Variants in PTPRT observed in about 807,000 individuals in gnomAD.
PTPRT encodes protein tyrosine phosphatase receptor type T.
In PTPRT, 56 loss-of-function variants were observed where a neutral mutation model predicts 176.8. The ratio of observed to expected loss-of-function variants is 0.32; its 90% CI spans 0.26 to 0.40. The LOEUF (loss-of-function observed/expected upper bound fraction) is 0.40. Among genes scored for constraint, PTPRT ranks in the 10% least tolerant of loss-of-function variants. The probability of loss-of-function intolerance (pLI) is 1.00; values close to 1 mark genes in which losing one functional copy is unlikely to be tolerated. For missense variants in PTPRT, 1,540 were observed against 1,908.2 expected (o/e 0.81, Z 3.60); for synonymous variants, 783 against 739.0 (o/e 1.06, Z -0.96).
At chr20:42,530,698 C>T (rs2072366566) in intron 7 of PTPRT, among the ~76,000 whole-genome samples, 1 of 152,122 alleles carries the variant, frequency 6.6e-6, no homozygotes, top group Admixed American at 6.5e-5. Flanking sequence ...GTGGTTTGTC[C>T]CACCATCATC....
At chr20:42,292,411 C>A (rs1444041132) in intron 12 of PTPRT, among the ~76,000 whole-genome samples, 1 of 152,010 alleles carries the variant, frequency 6.6e-6, no homozygotes, top group African/African-American at 2.4e-5. Flanking sequence ...TGGCTCATTG[C>A]AACCTCTGCC....
At chr20:42,491,067 T>C (rs984902913) in intron 7 of PTPRT, among the ~76,000 whole-genome samples, 3 of 152,168 alleles carry the variant, frequency 2.0e-5, no homozygotes, top group African/African-American at 4.8e-5. Context: ...TTTAAAGTAG[T>C]GAATTGCACG....
At chr20:42,627,403 G>A (rs1600497329) in intron 7 of PTPRT, among the ~76,000 whole-genome samples, 13 of 151,914 alleles carry the variant, frequency 8.6e-5, no homozygotes, top group Admixed American at 8.5e-4. Flanking sequence ...CCATGTAGCT[G>A]GGACTACAGG....
intron 9 of PTPRT, among the ~76,000 whole-genome samples, chr20:42,371,591 C>CA (rs2058587887): frequency 3.9e-5 from 6 of 152,210 alleles, no homozygotes; most frequent in Admixed American, 3.9e-4. Context: ...GCACCTAAAA[C>CA]AAAGAGTAGA....
At chr20:42,270,277 GGGGTGGGT>G (rs1449771766) in intron 13 of PTPRT, 5 of 786,974 alleles carry the variant, frequency 6.4e-6, no homozygotes, top group South Asian at 1.7e-5. Flanking sequence ...AATGGGTGGG[GGGGTGGGT>G]GGGTGGGTGG....
At chr20:42,095,043 C>T (rs781748985) in intron 27 of PTPRT, among the ~76,000 whole-genome samples, 2 of 152,140 alleles carry the variant, frequency 1.3e-5, no homozygotes, top group Non-Finnish European at 2.9e-5. Flanking sequence ...CTCTTTCTCT[C>T]TCTTATTCCA....
intron 5 of PTPRT, among the ~76,000 whole-genome samples, chr20:42,766,388 A>G (rs1211976680): frequency 6.6e-6 from 1 of 152,212 alleles, no homozygotes; most frequent in Non-Finnish European, 1.5e-5. Flanking sequence ...CTAGCCTTCT[A>G]TCATCCTTTT....
chr20:42,624,840 T>G (rs972151521), intron 7 of PTPRT, among the ~76,000 whole-genome samples: 4 of 152,120 alleles, frequency 2.6e-5, no homozygotes, highest in Non-Finnish European at 4.4e-5. Flanking sequence ...CAGCCTACAA[T>G]GGCAAAATGC....
At chr20:42,726,064 TTATTA>T (rs1366079753) in intron 6 of PTPRT, among the ~76,000 whole-genome samples, 4 of 116,282 alleles carry the variant, frequency 3.4e-5, no homozygotes, top group African/African-American at 1.3e-4. Context: ...ATCTTTATTA[TTATTA>T]TTATTATTAT....
intron 7 of PTPRT, among the ~76,000 whole-genome samples, chr20:42,545,771 G>GA (rs1336121094): frequency 6.6e-6 from 1 of 152,146 alleles, no homozygotes; most frequent in Admixed American, 6.5e-5. Flanking sequence ...AGCTGGCAAT[G>GA]AAAGACTCCC....
chr20:42,259,040 G>A (rs556666814), intron 13 of PTPRT, among the ~76,000 whole-genome samples: 8 of 152,254 alleles, frequency 5.3e-5, no homozygotes, highest in African/African-American at 1.9e-4. Flanking sequence ...CCTCGTTTTC[G>A]GCCTCGAATG....
At chr20:42,171,561 G>T (rs111556577) in intron 16 of PTPRT, among the ~76,000 whole-genome samples, 2 of 152,156 alleles carry the variant, frequency 1.3e-5, no homozygotes, top group African/African-American at 4.8e-5. Flanking sequence ...AATTTTAAGC[G>T]AATGTGTATG....
chr20:42,995,559 G>A (rs141066962), intron 1 of PTPRT, among the ~76,000 whole-genome samples: 5 of 152,212 alleles, frequency 3.3e-5, no homozygotes, highest in African/African-American at 1.2e-4. Flanking sequence ...GACATTGTGA[G>A]CATGAGAAGT....
chr20:42,142,062 G>A, intron 17 of PTPRT, 60 bp from the exon 18 acceptor site: 1 of 1,458,180 alleles, frequency 6.9e-7, no homozygotes, highest in Non-Finnish European at 9.6e-7. Context: ...TGGAAGTGGA[G>A]ATGAACCAAC....
At chr20:42,489,102 A>G (rs1228656941) in intron 7 of PTPRT, among the ~76,000 whole-genome samples, 1 of 141,288 alleles carries the variant, frequency 7.1e-6, no homozygotes, top group Non-Finnish European at 1.6e-5. Flanking sequence ...TTATCTTTTT[A>G]CCTTTTTTTA....
intron 7 of PTPRT, among the ~76,000 whole-genome samples, chr20:42,573,484 G>A (rs966525756): frequency 6.6e-6 from 1 of 152,240 alleles, no homozygotes; most frequent in African/African-American, 2.4e-5. Flanking sequence ...GTTGTGGTGA[G>A]AATAAGCTGG....
At position 42,409,481 on chromosome 20, in the gene PTPRT, C is replaced by CAAA. The variant is rs58932390; in HGVS notation, c.1560+38736_1560+38738dup. 1.1e-4 allele frequency among the ~76,000 whole-genome samples: 12 copies of CAAA among 112,144 alleles called. 1 individual carries two copies. The highest frequency in any genetic ancestry group is 3.3e-4 in the African/African-American group (9 of 27,422). The allele number at this position is 112,144 out of a possible 152,430, so 73.6% of individuals were successfully genotyped here. ...TGGGCAACAGAACGAGACTCTGTCG[C>CAAA]AAAAAAAAAAAAAAAAAAAAAAAAA... On this transcript the variant is annotated intron_variant, in intron 9 of 30. Coordinates refer to ENST00000373187, the MANE Select transcript of PTPRT (RefSeq NM_007050.6).
intron 2 of PTPRT, among the ~76,000 whole-genome samples, chr20:42,797,895 G>A (rs1025389221): frequency 6.6e-6 from 1 of 152,120 alleles, no homozygotes; most frequent in Non-Finnish European, 1.5e-5. Context: ...TAGAAAAGGT[G>A]AGAAAACAAA....
chr20:42,229,145 T>C (rs2056082389), intron 15 of PTPRT, among the ~76,000 whole-genome samples: 1 of 152,200 alleles, frequency 6.6e-6, no homozygotes, highest in Admixed American at 6.5e-5. Flanking sequence ...GAGGATGCCA[T>C]GAGAGTTGTT....
Sources: allele counts gnomAD v4.1 joint callset (sites outside exome capture counted in the v4.1 genomes callset), GRCh38; gene constraint gnomAD v4.1.1; transcripts MANE v1.5; gene names NCBI Gene and HGNC (gene_info 2026-07-23, HGNC 2026-07-21).